Variants in NAA11 observed in about 807,000 individuals in gnomAD.
The protein encoded by NAA11 is N-alpha-acetyltransferase 11.
In NAA11, 15 loss-of-function variants were observed where a neutral mutation model predicts 16.1. The ratio of observed to expected loss-of-function variants is 0.93; its 90% CI spans 0.62 to 1.44. The LOEUF (loss-of-function observed/expected upper bound fraction) is 1.44. Ranked by LOEUF, NAA11 falls within the 40% of genes most tolerant of loss-of-function variation. The pLI, the probability that NAA11 is intolerant of heterozygous loss-of-function variation, is 0.00. For synonymous variants in NAA11, 122 were observed against 112.4 expected (o/e 1.09, Z -0.54); for missense variants, 298 against 291.3 (o/e 1.02, Z -0.17).
At chr4:79,224,713 A>G (rs184125801), downstream of NAA11, among the ~76,000 whole-genome samples, 188 of 152,214 alleles carry the variant, frequency 1.2e-3, no homozygotes, top group African/African-American at 4.4e-3. Context: ...AGCAATGTAT[A>G]TGATAGAATT....
chr4:79,299,868 G>C (rs1723335171), intron 1 of NAA11, among the ~76,000 whole-genome samples: 1 of 152,192 alleles, frequency 6.6e-6, no homozygotes, highest in Non-Finnish European at 1.5e-5. Context: ...ATCTTGATGT[G>C]ACTCTACAAT....
chr4:79,221,269 T>G (rs1263430424), downstream of NAA11, among the ~76,000 whole-genome samples: 5 of 151,904 alleles, frequency 3.3e-5, no homozygotes. Flanking sequence ...TTAAGGAGAT[T>G]TGGGGCTGAG....
chr4:79,214,832 C>G, the NAA11 span, among the ~76,000 whole-genome samples: 1 of 152,038 alleles, frequency 6.6e-6, no homozygotes, highest in Middle Eastern at 3.2e-3. Context: ...AGTCCAACTT[C>G]AGTCCTGTCT....
rs1578196003 is a variant in NAA11 at position 79,317,579 on chromosome 4, C to G, written c.*225G>C. ...CAAGAAAGGTTCTGTAATGGCAGGT[C>G]TCAAAGTTCCTTGGCTGTTGTGCAG... On this transcript the variant is annotated 3_prime_UTR_variant, in exon 2 of 2. Coordinates refer to ENST00000286794, the MANE Select transcript of NAA11 (RefSeq NM_032693.3). The G allele has an allele frequency of 2.0e-5, 3 of 152,380 alleles. No homozygotes were observed. The highest frequency in any genetic ancestry group is 3.4e-3 in the Middle Eastern group (1 of 294). 9.4% of individuals were successfully genotyped at this position (152,380 alleles called of 1,614,324 possible). A position where few individuals can be genotyped will look rare whatever the true frequency, so the allele number is the denominator to read the frequency against.
At chr4:79,193,888 T>C in the NAA11 span, among the ~76,000 whole-genome samples, 12 of 152,208 alleles carry the variant, frequency 7.9e-5, no homozygotes, top group Non-Finnish European at 1.3e-4. Flanking sequence ...TGTTTGTCTC[T>C]TCTTTTATTT....
the NAA11 span, among the ~76,000 whole-genome samples, chr4:79,167,425 G>A: frequency 6.6e-6 from 1 of 150,830 alleles, no homozygotes; most frequent in South Asian, 2.1e-4. Context: ...CAATGATAGG[G>A]ATAGATATCA....
At chr4:79,166,929 A>G in the NAA11 span, among the ~76,000 whole-genome samples, 1 of 146,362 alleles carries the variant, frequency 6.8e-6, no homozygotes, top group Non-Finnish European at 1.5e-5. Flanking sequence ...TCTGATCTTT[A>G]TCATCTGTCT....
chr4:79,286,860 A>G, intron 2 of NAA11, among the ~76,000 whole-genome samples: 1 of 152,078 alleles, frequency 6.6e-6, no homozygotes, highest in Non-Finnish European at 1.5e-5. Flanking sequence ...TTTCTTTGAC[A>G]TCATAACATT....
At chr4:79,262,772 T>C (rs1722268225) in intron 2 of NAA11, among the ~76,000 whole-genome samples, 1 of 152,128 alleles carries the variant, frequency 6.6e-6, no homozygotes, top group African/African-American at 2.4e-5. Context: ...CAAGTTTATG[T>C]AGTAAATGTG....
chr4:79,204,426 T>C, the NAA11 span, among the ~76,000 whole-genome samples: 1 of 151,882 alleles, frequency 6.6e-6, no homozygotes, highest in Non-Finnish European at 1.5e-5. Flanking sequence ...ATTCTATACC[T>C]AACGTATGGA....
intron 1 of NAA11, among the ~76,000 whole-genome samples, chr4:79,303,438 T>A (rs1167897326): frequency 1.3e-5 from 2 of 151,880 alleles, no homozygotes; most frequent in African/African-American, 4.8e-5. Flanking sequence ...CAGGTGCGCA[T>A]CATTACACCC....
At chr4:79,157,987 C>G in the NAA11 span, among the ~76,000 whole-genome samples, 1 of 149,356 alleles carries the variant, frequency 6.7e-6, no homozygotes, top group Non-Finnish European at 1.5e-5. Context: ...TGCAAGGTCT[C>G]CCTCCCGGGT....
the NAA11 span, among the ~76,000 whole-genome samples, chr4:79,204,698 C>T: frequency 6.6e-6 from 1 of 151,634 alleles, no homozygotes; most frequent in Non-Finnish European, 1.5e-5. Flanking sequence ...AATTTTTAAT[C>T]CCTTATCCTC....
chr4:79,208,396 G>A, the NAA11 span, among the ~76,000 whole-genome samples: 10 of 152,082 alleles, frequency 6.6e-5, no homozygotes, highest in South Asian at 2.1e-4. Flanking sequence ...AAAGTACCAC[G>A]CTTATTTGAA....
chr4:79,196,133 C>A, the NAA11 span, among the ~76,000 whole-genome samples: 1 of 152,022 alleles, frequency 6.6e-6, no homozygotes, highest in Non-Finnish European at 1.5e-5. Flanking sequence ...TATGCTCTGT[C>A]CACATGTGAT....
downstream of NAA11, among the ~76,000 whole-genome samples, chr4:79,315,663 T>TA (rs1184385207): frequency 1.6e-4 from 24 of 151,600 alleles, no homozygotes; most frequent in African/African-American, 5.1e-4. Flanking sequence ...TGTGCCTCAG[T>TA]AAAAAGTCCC....
the NAA11 span, among the ~76,000 whole-genome samples, chr4:79,203,017 C>T: frequency 6.6e-5 from 10 of 151,422 alleles, no homozygotes; most frequent in Non-Finnish European, 5.9e-5. Flanking sequence ...TGATTTCAAA[C>T]ATATATGTAA....
At chr4:79,253,634 A>G (rs1226413325) in intron 2 of NAA11, among the ~76,000 whole-genome samples, 1 of 152,262 alleles carries the variant, frequency 6.6e-6, no homozygotes, top group Non-Finnish European at 1.5e-5. Flanking sequence ...AATGATTTCA[A>G]CAAAGAACTA....
the NAA11 span, among the ~76,000 whole-genome samples, chr4:79,196,137 A>G: frequency 6.6e-6 from 1 of 152,128 alleles, no homozygotes; most frequent in African/African-American, 2.4e-5. Context: ...CTCTGTCCAC[A>G]TGTGATTTCT....
Sources: gnomAD v4.1 joint callset for allele counts (sites outside exome capture counted in the v4.1 genomes callset) on GRCh38, gnomAD v4.1.1 for gene constraint, MANE v1.5 for transcripts, NCBI Gene and HGNC (gene_info 2026-07-23, HGNC 2026-07-21) for gene names.